The following EDN3 variants were observed in gnomAD, a reference collection of about 807,000 sequenced individuals.
EDN3 encodes the protein endothelin 3.
A neutral mutation model predicts 21.4 loss-of-function variants in EDN3; 9 were observed. That is an observed-to-expected ratio of 0.42 (90% CI 0.25 to 0.73). The LOEUF is 0.73. Among genes scored for constraint, EDN3 ranks in the 30% least tolerant of loss-of-function variants. EDN3 has a pLI of 0.26. For missense variants in EDN3, 327 were observed against 309.4 expected, an observed-to-expected ratio of 1.06 and a Z score of -0.43; for synonymous variants, 133 against 126.2, an observed-to-expected ratio of 1.05 and a Z score of -0.36.
At position 59,325,788 on chromosome 20, in the gene EDN3, C is replaced by T. The variant is rs1276418937; in HGVS notation, c.*1329C>T. ...CTGTTCAAAGTAGTCACTGTATATACGTATAGAGAGGTAGATAGGTAGGTA... is the reference window on the plus strand; with the variant it reads ...CTGTTCAAAGTAGTCACTGTATATATGTATAGAGAGGTAGATAGGTAGGTA... On this transcript the variant is annotated 3_prime_UTR_variant, in exon 5 of 5. Transcript: ENST00000337938. 1 of 152,110 alleles carries T rather than the reference C, an allele frequency of 6.6e-6. No homozygotes were observed. The highest frequency in any genetic ancestry group is 1.9e-4 in the East Asian group (1 of 5,200). 9.4% of individuals were successfully genotyped at this position (152,110 alleles called of 1,614,324 possible).
intron 2 of EDN3, among the ~76,000 whole-genome samples, chr20:59,309,617 C>A (rs1416607813): frequency 1.3e-5 from 2 of 152,142 alleles, no homozygotes; most frequent in Non-Finnish European, 2.9e-5. Context: ...TTTTTCCCCT[C>A]ACATAACCAT....
At position 59,322,939 on chromosome 20, in the gene EDN3, T is replaced by C. The variant is rs1990640169; in HGVS notation, c.588+522T>C. On this transcript the variant is annotated intron_variant, in intron 4 of 4. Coordinates refer to ENST00000337938, the MANE Select transcript of EDN3 (RefSeq NM_207034.3). The surrounding 1 kb of genome is among the most constrained non-coding windows in gnomAD (Gnocchi z 4.1). ...CTCCAGTTCATTGTATTATTTTTTT[T>C]AACCCACTTGTCTTTTTTGTATGAG... Among the ~76,000 whole-genome samples the C allele has an allele frequency of 6.6e-6, 1 of 152,200 alleles. No homozygotes were observed. Among genetic ancestry groups the C allele is most frequent in the Non-Finnish European group, 1.5e-5 (1 of 68,030 alleles).
intron 2 of EDN3, among the ~76,000 whole-genome samples, chr20:59,313,415 G>T (rs1439265946): frequency 6.6e-6 from 1 of 152,184 alleles, no homozygotes; most frequent in Non-Finnish European, 1.5e-5. Context: ...CTCATTCTTA[G>T]ATCTGATTGG....
Position 59,323,675 on chromosome 20 carries a change from A to G in EDN3, c.589-656A>G, listed in dbSNP as rs184376829. 464 of 399,874 alleles carry G rather than the reference A, an allele frequency of 1.2e-3. 2 individuals are homozygous for G. The highest frequency in any genetic ancestry group is 8.8e-3 in the African/African-American group (431 of 48,734). 24.8% of individuals were successfully genotyped at this position (399,874 alleles called of 1,614,324 possible). On this transcript the variant is annotated intron_variant, in intron 4 of 4. Coordinates refer to ENST00000337938, the MANE Select transcript of EDN3 (RefSeq NM_207034.3). ...TCATCTTTCTCACCAGGTGACCTGA[A>G]GGAAGGCTGGGAGGAGCCATAGGGA...
At position 59,300,716 on chromosome 20, in the gene EDN3, C is replaced by G; in HGVS notation, c.-97C>G. On this transcript the variant is annotated 5_prime_UTR_variant, in exon 1 of 5. Transcript: ENST00000337938. Reference sequence around the variant, plus strand: ...ATCGGCCGGCCTCGAACCCCCACAGCTGGAGGGCGAGGCCAGCTGTACCCG... The same window carrying G: ...ATCGGCCGGCCTCGAACCCCCACAGGTGGAGGGCGAGGCCAGCTGTACCCG... The G allele has an allele frequency of 7.4e-7, 1 of 1,342,288 alleles. No homozygotes were observed. The highest frequency in any genetic ancestry group is 1.0e-6 in the Non-Finnish European group (1 of 967,018). 83.1% of individuals were successfully genotyped at this position (1,342,288 alleles called of 1,614,324 possible).
At position 59,309,487 on chromosome 20, in the gene EDN3, C is replaced by T. The variant is rs1485924821; in HGVS notation, c.365+7765C>T. Among the ~76,000 whole-genome samples the T allele has an allele frequency of 3.3e-5, 5 of 152,152 alleles. No homozygotes were observed. The East Asian group carries it at 9.6e-4, about 29-fold the overall frequency. The stretch of plus-strand genomic sequence containing the variant: ...GCAATCGAGGAAATCCCACAGACAT[C>T]TATTTAGAAAACATCATTTCATGAT... On this transcript the variant is annotated intron_variant, in intron 2 of 4. Coordinates refer to ENST00000337938, the MANE Select transcript of EDN3 (RefSeq NM_207034.3).
chr20:59,301,523 G>A lies in EDN3; in HGVS notation c.166G>A (p.Glu56Lys). 2 of 1,613,458 alleles carry A rather than the reference G, an allele frequency of 1.2e-6. No homozygotes were observed. The highest frequency in any genetic ancestry group is 4.5e-5 in the East Asian group (2 of 44,886). ...AGAGACTGTGGCTGGCCCTGGCGAG[G>A]AGACTGTGGCTGGCCCTGGCGAGGG... ...CEETVAGPGE[E>K]TVAGPGEGTV... Residue 56 changes from glutamate (E) to lysine (K), a missense_variant, in exon 2 of 5, where the codon GAG (glutamate) becomes AAG (lysine). By Grantham distance (56) the Glu-to-Lys change is moderately conservative (BLOSUM62 1). Transcript: ENST00000337938.
intron 2 of EDN3, among the ~76,000 whole-genome samples, 179 bp from the exon 3 acceptor site, chr20:59,320,838 C>T (rs1990488283): frequency 2.0e-5 from 3 of 152,312 alleles, no homozygotes; most frequent in South Asian, 4.1e-4. Flanking sequence ...TTGTGGAGGG[C>T]AGGGGGTGCA....
chr20:59,312,616 G>A (rs1438935562), intron 2 of EDN3, among the ~76,000 whole-genome samples: 1 of 152,134 alleles, frequency 6.6e-6, no homozygotes, highest in Non-Finnish European at 1.5e-5. Context: ...TAAACAGTTT[G>A]GGCTAAGGCT....
intron 2 of EDN3, among the ~76,000 whole-genome samples, chr20:59,313,337 C>A (rs1989954616): frequency 6.6e-6 from 1 of 152,192 alleles, no homozygotes; most frequent in Non-Finnish European, 1.5e-5. Context: ...CAAGGTCCTG[C>A]TGTTGCTGAG....
chr20:59,324,464 A>AC lies in EDN3; in HGVS notation c.*6dup. 1 of 1,613,822 alleles carries AC rather than the reference A, an allele frequency of 6.2e-7. No homozygotes were observed. Among genetic ancestry groups the AC allele is most frequent in the East Asian group, 2.2e-5 (1 of 44,866 alleles). ...TTTCAGGAAGGAGCCCCTTAGGAGGACAGGCCTGCAGCATCCTGGTCTCGG... is the reference window on the plus strand; with the variant it reads ...TTTCAGGAAGGAGCCCCTTAGGAGGACCAGGCCTGCAGCATCCTGGTCTCGG... On this transcript the variant is annotated 3_prime_UTR_variant, in exon 5 of 5. Coordinates refer to ENST00000337938, the MANE Select transcript of EDN3 (RefSeq NM_207034.3).
At chr20:59,312,820 G>A (rs1174937133) in intron 2 of EDN3, among the ~76,000 whole-genome samples, 1 of 152,176 alleles carries the variant, frequency 6.6e-6, no homozygotes, top group Non-Finnish European at 1.5e-5. Flanking sequence ...AGGGACCCTG[G>A]AGAGACCCAG....
chr20:59,307,373 T>C (rs753659802), intron 2 of EDN3, among the ~76,000 whole-genome samples: 4 of 152,144 alleles, frequency 2.6e-5, no homozygotes, highest in Non-Finnish European at 5.9e-5. Context: ...CTATTGTCCC[T>C]GTAGTTTACA....
chr20:59,319,150 G>A (rs1320345319), intron 2 of EDN3, among the ~76,000 whole-genome samples: 1 of 152,078 alleles, frequency 6.6e-6, no homozygotes, highest in East Asian at 1.9e-4. Flanking sequence ...TCATCAGCGG[G>A]GCCTGTCTCT....
intron 2 of EDN3, among the ~76,000 whole-genome samples, 187 bp from the exon 3 acceptor site, chr20:59,320,830 G>A (rs777779784): frequency 9.2e-5 from 14 of 152,236 alleles, no homozygotes; most frequent in Non-Finnish European, 1.9e-4. Context: ...CCTGGGGGTT[G>A]TGGAGGGCAG....
At chr20:59,307,802 G>A (rs79238136) in intron 2 of EDN3, among the ~76,000 whole-genome samples, 4,440 of 151,940 alleles carry the variant, frequency 0.029, 106 homozygotes, top group Non-Finnish European at 0.042. Context: ...TCAGCCTCCC[G>A]AGTAGCTGGA....
intron 2 of EDN3, among the ~76,000 whole-genome samples, chr20:59,306,960 C>T (rs796889692): frequency 7.0e-4 from 107 of 152,284 alleles, no homozygotes; most frequent in African/African-American, 2.5e-3. Flanking sequence ...GCCTGGCCAA[C>T]ATGGTGAAAC....
chr20:59,314,512 A>C (rs1990051390), intron 2 of EDN3, among the ~76,000 whole-genome samples: 1 of 152,022 alleles, frequency 6.6e-6, no homozygotes. Flanking sequence ...TTGGGGGTCT[A>C]GGGGTGCACC....
rs1329097336 is a variant in EDN3 at position 59,321,124 on chromosome 20, G to A, written c.473G>A (p.Arg158His). The change falls in exon 3 of 5, where the codon CGC becomes CAC. Residue 158 changes from arginine to histidine, a missense_variant. Physicochemically the swap from Arg to His is conservative, Grantham distance 29. Coordinates refer to ENST00000337938, the MANE Select transcript of EDN3 (RefSeq NM_207034.3). ...NLQLSHRPHL[R>H]CACVGRYDKA... ...CAGCTCTCACATCGGCCACACTTGCGCTGCGCTTGTGTGGGGAGATATGAC... is the reference window on the plus strand; with the variant it reads ...CAGCTCTCACATCGGCCACACTTGCACTGCGCTTGTGTGGGGAGATATGAC... 2 of 1,614,238 alleles carry A rather than the reference G, an allele frequency of 1.2e-6. No individual in the cohort carries two copies. The highest frequency in any genetic ancestry group is 4.5e-5 in the East Asian group (2 of 44,882).
Sources: allele counts gnomAD v4.1 joint callset (sites outside exome capture counted in the v4.1 genomes callset), GRCh38; gene constraint gnomAD v4.1.1; non-coding constraint Gnocchi (gnomAD v3.1); transcripts MANE v1.5; gene names NCBI Gene and HGNC (gene_info 2026-07-23, HGNC 2026-07-21).